Variants in HS6ST2 observed in about 807,000 individuals in gnomAD.
HS6ST2 encodes the protein heparan-sulfate 6-O-sulfotransferase 2.
In HS6ST2, 17 loss-of-function variants were observed where a neutral mutation model predicts 33.0. That is an observed-to-expected ratio of 0.52 (90% CI 0.35 to 0.77). The LOEUF is 0.77. HS6ST2 is among the 30% of genes least tolerant of loss of function. The pLI, the probability that HS6ST2 is intolerant of heterozygous loss-of-function variation, is 0.01. For missense variants in HS6ST2, 519 were observed against 551.7 expected, an observed-to-expected ratio of 0.94 and a Z score of 0.59; for synonymous variants, 248 against 237.1, an observed-to-expected ratio of 1.05 and a Z score of -0.42.
chrX:132,791,985 GAA>G (rs762811746), intron 2 of HS6ST2, among the ~76,000 whole-genome samples: 1 of 104,083 alleles, frequency 9.6e-6, no homozygotes, highest in East Asian at 3.0e-4. Context: ...CCTGTCTCCA[GAA>G]AAAAAAAAAG....
At chrX:132,820,904 T>G (rs982456026) in intron 2 of HS6ST2, among the ~76,000 whole-genome samples, 1 of 110,414 alleles carries the variant, frequency 9.1e-6, no homozygotes, top group African/African-American at 3.3e-5. Context: ...ACTGAGAATG[T>G]CCTGTTTCTA....
At chrX:132,856,209 A>G (rs936956381) in intron 2 of HS6ST2, among the ~76,000 whole-genome samples, 3 of 112,250 alleles carry the variant, frequency 2.7e-5, no homozygotes, top group Admixed American at 9.5e-5. Context: ...CAGTCAGGAA[A>G]TACGTGATCA....
intron 2 of HS6ST2, 36 bp downstream of exon 2, chrX:132,956,772 G>C (rs1004270536): frequency 8.8e-7 from 1 of 1,133,595 alleles, no homozygotes; most frequent in Non-Finnish European, 1.2e-6. Context: ...CGCCCGCCTA[G>C]GCCCGGGTCC....
rs370160604 is a variant in HS6ST2 at position 132,632,920 on chromosome X, TA to T, written c.1068-3828del. ...GGTGAAACCCTGTCTCTGCAAAAAA[TA>T]GAAAAATTAGTGGGCGTGGTGGTGC... On this transcript the variant is annotated intron_variant, in intron 4 of 4. Transcript: ENST00000370833. 2.0e-3 allele frequency among the ~76,000 whole-genome samples: 220 copies of T among 107,671 alleles called. 3 individuals carry two copies. The highest frequency in any genetic ancestry group is 7.1e-3 in the African/African-American group (210 of 29,536). The allele number at this position is 107,671 out of a possible 115,157, so 93.5% of individuals were successfully genotyped here. A position where few individuals can be genotyped will look rare whatever the true frequency, so the allele number is the denominator to read the frequency against.
At chrX:132,941,281 G>A (rs181075517) in intron 2 of HS6ST2, among the ~76,000 whole-genome samples, 1 of 111,660 alleles carries the variant, frequency 9.0e-6, no homozygotes, top group East Asian at 2.8e-4. Context: ...TAACTGAGAT[G>A]AGCTGAGCTA....
At chrX:132,951,203 T>C (rs1021704964) in intron 2 of HS6ST2, among the ~76,000 whole-genome samples, 1 of 111,150 alleles carries the variant, frequency 9.0e-6, no homozygotes, top group Non-Finnish European at 1.9e-5. Flanking sequence ...TTTATTTACT[T>C]TCATGGTGTT....
At chrX:132,902,903 T>C (rs2066438066) in intron 2 of HS6ST2, among the ~76,000 whole-genome samples, 1 of 111,914 alleles carries the variant, frequency 8.9e-6, no homozygotes, top group African/African-American at 3.2e-5. Context: ...AAGACAAGGA[T>C]AATTTTTCTA....
Position 132,875,226 on chromosome X carries a change from C to T in HS6ST2, c.947+81582G>A, listed in dbSNP as rs146470333. Among the ~76,000 whole-genome samples the T allele has an allele frequency of 4.7e-3, 524 of 111,821 alleles. 1 individual carries two copies. Among genetic ancestry groups the T allele is most frequent in the African/African-American group, 0.016 (508 of 30,793 alleles). On this transcript the variant is annotated intron_variant, in intron 2 of 4. Coordinates refer to ENST00000370833, the MANE Select transcript of HS6ST2 (RefSeq NM_001394073.1). ...TTGCCAACTTGATTGTCACAGCAGG[C>T]ACCCAAGGTGTTTATGCATCCCCCA... is the stretch of plus-strand genomic sequence containing the variant.
chrX:132,877,696 G>C (rs191031259), intron 2 of HS6ST2, among the ~76,000 whole-genome samples: 1 of 111,274 alleles, frequency 9.0e-6, no homozygotes, highest in South Asian at 3.8e-4. Flanking sequence ...CTGTAGGATC[G>C]AATCCAAACT....
At chrX:132,743,211 A>C (rs938951612) in intron 2 of HS6ST2, among the ~76,000 whole-genome samples, 2 of 112,749 alleles carry the variant, frequency 1.8e-5, no homozygotes, top group African/African-American at 6.4e-5. Context: ...AAGGTTTTAG[A>C]ATATCAATTA....
chrX:132,956,700 C>T (rs1951160125), intron 2 of HS6ST2, 108 bp downstream of exon 2: 4 of 959,017 alleles, frequency 4.2e-6, no homozygotes, highest in East Asian at 3.7e-5. Context: ...GGGGTGCAAA[C>T]GCCCGGGCGT....
chrX:132,816,908 G>A lies in HS6ST2; in HGVS notation c.948-108414C>T, dbSNP rs769919501. ...GCATGGACTCAGGGCTCTAATTGGC[G>A]GTGATTAGAGAATAAAATGAAAAGT... On this transcript the variant is annotated intron_variant, in intron 2 of 4. Transcript: ENST00000370833. Among the ~76,000 whole-genome samples, 10 of 111,247 alleles carry A rather than the reference G, an allele frequency of 9.0e-5. No homozygotes were observed. The East Asian group carries it at 2.2e-3, about 25-fold the overall frequency.
chrX:132,626,274 C>T lies in HS6ST2; in HGVS notation c.*1949G>A, dbSNP rs908755800. 1.8e-5 allele frequency: 2 copies of T among 112,818 alleles called. No homozygotes were observed. The highest frequency in any genetic ancestry group is 6.5e-5 in the African/African-American group (2 of 31,005). 9.3% of individuals were successfully genotyped at this position (112,818 alleles called of 1,213,427 possible). On this transcript the variant is annotated 3_prime_UTR_variant, in exon 5 of 5. Coordinates refer to ENST00000370833, the MANE Select transcript of HS6ST2 (RefSeq NM_001394073.1). ...TCTGTAACAAGCTTTTCCACTGGCTCAGGCTTCATCCTGCTTTCCAACAAT... is the reference window on the plus strand; with the variant it reads ...TCTGTAACAAGCTTTTCCACTGGCTTAGGCTTCATCCTGCTTTCCAACAAT...
intron 2 of HS6ST2, among the ~76,000 whole-genome samples, chrX:132,930,682 A>G (rs1174005278): frequency 2.7e-5 from 3 of 111,356 alleles, no homozygotes; most frequent in Non-Finnish European, 5.7e-5. Context: ...CTCCCCCACC[A>G]AAAGACACCC....
At chrX:132,934,679 TA>T (rs1168454932) in intron 2 of HS6ST2, among the ~76,000 whole-genome samples, 5 of 111,618 alleles carry the variant, frequency 4.5e-5, no homozygotes, top group Admixed American at 9.6e-5. Flanking sequence ...ATTAACTTAA[TA>T]TAAGACAAAG....
intron 2 of HS6ST2, among the ~76,000 whole-genome samples, chrX:132,741,525 G>A (rs777785591): frequency 1.5e-4 from 17 of 110,353 alleles, no homozygotes; most frequent in Admixed American, 2.9e-4. Context: ...CAAGTGATCC[G>A]CCCACCTCAG....
chrX:132,718,361 G>A (rs768922073), intron 2 of HS6ST2, among the ~76,000 whole-genome samples: 2 of 111,680 alleles, frequency 1.8e-5, no homozygotes, highest in East Asian at 5.6e-4. Context: ...ACTTTACAGG[G>A]AAGTCAGAGA....
intron 2 of HS6ST2, among the ~76,000 whole-genome samples, chrX:132,895,029 A>G (rs1395335390): frequency 8.9e-6 from 1 of 112,408 alleles, no homozygotes; most frequent in Non-Finnish European, 1.9e-5. Flanking sequence ...CCTTAATTTT[A>G]GCTACAAAAC....
chrX:132,853,269 T>C (rs1054745002), intron 2 of HS6ST2, among the ~76,000 whole-genome samples: 9 of 110,464 alleles, frequency 8.1e-5, no homozygotes, highest in African/African-American at 3.0e-4. Context: ...TCCTCCTGAA[T>C]CAGCTTCCTG....
Sources: gnomAD v4.1 joint callset for allele counts (sites outside exome capture counted in the v4.1 genomes callset) on GRCh38, gnomAD v4.1.1 for gene constraint, MANE v1.5 for transcripts, NCBI Gene and HGNC (gene_info 2026-07-23, HGNC 2026-07-21) for gene names.